The following WDPCP variants were observed in gnomAD, a reference collection of about 807,000 sequenced individuals.
The protein encoded by WDPCP is WD repeat-containing and planar cell polarity effector protein fritz homolog.
WDPCP carries 71 observed loss-of-function variants against 93.1 expected under a neutral mutation model. The ratio of observed to expected loss-of-function variants is 0.76; its 90% CI spans 0.63 to 0.93. The LOEUF is 0.93. Ranked by LOEUF, WDPCP falls within the 40% of genes least tolerant of loss-of-function variation. The pLI is 0.00. For missense variants in WDPCP, 844 were observed against 887.4 expected (o/e 0.95, Z 0.62); for synonymous variants, 315 against 315.0 (o/e 1.00, Z 0.00).
At chr2:63,736,170 T>TCA (rs1669638339) in intron 2 of WDPCP, among the ~76,000 whole-genome samples, 1 of 152,210 alleles carries the variant, frequency 6.6e-6, no homozygotes, top group African/African-American at 2.4e-5. Flanking sequence ...TCTCTGACCC[T>TCA]CATCTCATTA....
At chr2:63,169,313 A>G (rs953410975) in intron 15 of WDPCP, among the ~76,000 whole-genome samples, 2 of 152,204 alleles carry the variant, frequency 1.3e-5, no homozygotes, top group African/African-American at 4.8e-5. Context: ...CTTGAAGGAG[A>G]TCATGGATGA....
intron 13 of WDPCP, among the ~76,000 whole-genome samples, chr2:63,298,037 GCTTCTGGCAGTACCTGACTTTTACA>G (rs1239290878): frequency 6.6e-6 from 1 of 152,192 alleles, no homozygotes; most frequent in East Asian, 1.9e-4. Context: ...CAGAATGCAT[GCTTCTGGCAGTACCTGACTTTTACA>G]CTCTCCCAGT....
chr2:63,258,763 T>C (rs1055894519), intron 14 of WDPCP, among the ~76,000 whole-genome samples: 3 of 152,172 alleles, frequency 2.0e-5, no homozygotes, highest in Middle Eastern at 6.3e-3. Flanking sequence ...TTTTATAAAC[T>C]TTCATTTTTT....
At chr2:63,164,356 T>C (rs1357089272) in intron 15 of WDPCP, among the ~76,000 whole-genome samples, 1 of 152,012 alleles carries the variant, frequency 6.6e-6, no homozygotes, top group Non-Finnish European at 1.5e-5. Context: ...TGGTGGGAGG[T>C]GATTGGATCG....
chr2:63,558,657 T>G (rs1339267344), intron 1 of WDPCP, among the ~76,000 whole-genome samples: 3 of 140,010 alleles, frequency 2.1e-5, no homozygotes, highest in Non-Finnish European at 4.7e-5. Flanking sequence ...TAAACACCTC[T>G]ACGCAAATAA....
At chr2:63,340,178 G>A (rs1430603951) in intron 12 of WDPCP, among the ~76,000 whole-genome samples, 4 of 151,980 alleles carry the variant, frequency 2.6e-5, no homozygotes, top group Non-Finnish European at 4.4e-5. Context: ...TTACTGGTAG[G>A]TCACTGCCTC....
At chr2:63,636,810 T>A (rs1709925100) in intron 3 of WDPCP, among the ~76,000 whole-genome samples, 1 of 152,086 alleles carries the variant, frequency 6.6e-6, no homozygotes, top group African/African-American at 2.4e-5. Context: ...GCTTCAAGAA[T>A]ACACAATGAA....
intron 10 of WDPCP, among the ~76,000 whole-genome samples, chr2:63,394,407 A>G (rs545691868): frequency 1.3e-5 from 2 of 152,158 alleles, no homozygotes; most frequent in South Asian, 4.1e-4. Context: ...GTGAGGGTGC[A>G]GAGAAAAGAG....
intron 12 of WDPCP, among the ~76,000 whole-genome samples, chr2:63,315,821 G>A (rs1264451671): frequency 6.6e-6 from 1 of 151,766 alleles, no homozygotes; most frequent in East Asian, 1.9e-4. Flanking sequence ...ACAGCAGCGT[G>A]ATTATAGCTC....
intron 6 of WDPCP, among the ~76,000 whole-genome samples, chr2:63,465,240 G>A (rs189848855): frequency 1.7e-4 from 26 of 152,082 alleles, no homozygotes; most frequent in Admixed American, 1.4e-3. Flanking sequence ...ATAAACCTAT[G>A]ACTTAGGTAT....
At chr2:63,309,950 T>C (rs1686053363) in intron 13 of WDPCP, among the ~76,000 whole-genome samples, 1 of 152,150 alleles carries the variant, frequency 6.6e-6, no homozygotes, top group South Asian at 2.1e-4. Flanking sequence ...GCTGCCTTGA[T>C]TCAATTCCAA....
chr2:63,309,709 G>C (rs1027595893), intron 13 of WDPCP, among the ~76,000 whole-genome samples: 3 of 152,004 alleles, frequency 2.0e-5, no homozygotes, highest in Non-Finnish European at 2.9e-5. Flanking sequence ...GATAAACTAA[G>C]TTTCAATAGA....
intron 2 of WDPCP, among the ~76,000 whole-genome samples, chr2:63,746,688 A>C (rs1575763539): frequency 6.6e-6 from 1 of 152,114 alleles, no homozygotes; most frequent in Non-Finnish European, 1.5e-5. Context: ...GCAGCGCCCC[A>C]AGGTTTGCTA....
At chr2:63,828,973 TA>T (rs1671154769), upstream of WDPCP, among the ~76,000 whole-genome samples, 1 of 152,180 alleles carries the variant, frequency 6.6e-6, no homozygotes, top group Non-Finnish European at 1.5e-5. Context: ...CTTTGTGTTA[TA>T]AAAGCTTATA....
chr2:63,259,648 C>T (rs1318701784), intron 13 of WDPCP, among the ~76,000 whole-genome samples: 1 of 152,094 alleles, frequency 6.6e-6, no homozygotes, highest in Non-Finnish European at 1.5e-5. Flanking sequence ...AGGGAAAATA[C>T]AAGTTTTTAA....
Position 63,690,582 on chromosome 2 carries a change from C to T in WDPCP, n.309-39744G>A, listed in dbSNP as rs560377574. Among the ~76,000 whole-genome samples the T allele has an allele frequency of 1.1e-4, 16 of 151,978 alleles. No individual in the cohort carries two copies. The South Asian group carries it at 3.1e-3, about 30-fold the overall frequency. On this transcript the variant is annotated intron_variant and non_coding_transcript_variant, in intron 2 of 4. Coordinates refer to the WDPCP transcript ENST00000467687. ...CAGCCTGGGCAACATAGCAAGATCT[C>T]CTCTCTACAAAAAATACAAAAACTA...
chr2:63,295,007 A>G (rs1446476085), intron 13 of WDPCP, among the ~76,000 whole-genome samples: 1 of 152,204 alleles, frequency 6.6e-6, no homozygotes, highest in East Asian at 1.9e-4. Context: ...ATTAAAAACC[A>G]AAAAGGGTGT....
intron 1 of WDPCP, among the ~76,000 whole-genome samples, chr2:63,499,172 G>C (rs1701398936): frequency 6.6e-6 from 1 of 152,260 alleles, no homozygotes; most frequent in African/African-American, 2.4e-5. Flanking sequence ...TGCTAATATG[G>C]TAACATACAC....
intron 6 of WDPCP, among the ~76,000 whole-genome samples, chr2:63,467,776 CAAAAAAAAA>C (rs3051717): frequency 4.3e-4 from 38 of 87,678 alleles, no homozygotes; most frequent in African/African-American, 1.4e-3. Context: ...ACTCAGTCTC[CAAAAAAAAA>C]AAAAAAAAAA....
Sources: allele counts gnomAD v4.1 joint callset (sites outside exome capture counted in the v4.1 genomes callset), GRCh38; gene constraint gnomAD v4.1.1; transcripts MANE v1.5; gene names NCBI Gene and HGNC (gene_info 2026-07-23, HGNC 2026-07-21).